Variants in LRRC4C observed in about 807,000 individuals in gnomAD.
LRRC4C encodes the protein leucine-rich repeat-containing protein 4C.
LRRC4C carries 5 observed loss-of-function variants against 33.6 expected under a neutral mutation model. The observed-to-expected ratio is 0.15, with a 90% confidence interval of 0.08 to 0.31. The LOEUF is 0.31. Ranked by LOEUF, LRRC4C falls within the 10% of genes least tolerant of loss-of-function variation. The pLI, the probability that LRRC4C is intolerant of heterozygous loss-of-function variation, is 1.00. For missense variants in LRRC4C, 560 were observed against 796.7 expected, an observed-to-expected ratio of 0.70 and a Z score of 3.58; for synonymous variants, 329 against 302.0, an observed-to-expected ratio of 1.09 and a Z score of -0.93.
chr11:40,975,679 A>G (rs1465691797), intron 1 of LRRC4C, among the ~76,000 whole-genome samples: 1 of 152,240 alleles, frequency 6.6e-6, no homozygotes, highest in Non-Finnish European at 1.5e-5. Flanking sequence ...AACTCATTTA[A>G]TCTTCACAGC....
intron 3 of LRRC4C, among the ~76,000 whole-genome samples, chr11:40,384,138 GT>G (rs1463102122): frequency 6.6e-6 from 1 of 151,610 alleles, no homozygotes; most frequent in Non-Finnish European, 1.5e-5. Flanking sequence ...TTTGTTGCAT[GT>G]TTTTTGGTGC....
intron 3 of LRRC4C, among the ~76,000 whole-genome samples, chr11:40,431,373 T>C (rs11035834): frequency 0.42 from 59,784 of 140,954 alleles, 12,655 homozygotes; most frequent in East Asian, 0.52. Flanking sequence ...CCAGCCTGAG[T>C]GACAGGGCGA....
intron 1 of LRRC4C, among the ~76,000 whole-genome samples, chr11:41,256,495 A>C (rs1400514010): frequency 6.6e-6 from 1 of 152,024 alleles, no homozygotes; most frequent in Non-Finnish European, 1.5e-5. Context: ...CCATCTGTGC[A>C]GTTGTACTGA....
At chr11:40,912,655 C>A (rs566756649) in intron 2 of LRRC4C, among the ~76,000 whole-genome samples, 3 of 152,178 alleles carry the variant, frequency 2.0e-5, no homozygotes, top group South Asian at 2.1e-4. Flanking sequence ...GCAAAATAAC[C>A]AGCTAACATC....
At chr11:41,202,131 C>T (rs114885644) in intron 1 of LRRC4C, among the ~76,000 whole-genome samples, 74 of 152,216 alleles carry the variant, frequency 4.9e-4, no homozygotes, top group African/African-American at 1.7e-3. Context: ...GGACAATGTC[C>T]AGTTCTTTAT....
intron 2 of LRRC4C, among the ~76,000 whole-genome samples, chr11:40,732,047 G>A (rs1272618957): frequency 5.9e-5 from 7 of 119,200 alleles, no homozygotes; most frequent in African/African-American, 2.3e-4. Flanking sequence ...GTAGTAATAT[G>A]CAAAAAAAAA....
chr11:41,361,897 G>GA (rs1426941230), intron 1 of LRRC4C, among the ~76,000 whole-genome samples: 3 of 151,938 alleles, frequency 2.0e-5, no homozygotes, highest in Admixed American at 6.6e-5. Context: ...ATTGTAATCT[G>GA]AAAAAAATCA....
chr11:40,114,992 T>G lies in LRRC4C; in HGVS notation c.1301A>C (p.Asn434Thr). ...ATTCAGGGTGGCTGAAGCAGTAGTA[T>G]TCCCAACGGAATTACTCACCATACA... The part of the protein sequence containing the change: ...YTCMVSNSVG[N>T]TTASATLNVT... The change falls in exon 7 of 7, where the codon AAT (asparagine) becomes ACT (threonine). Residue 434 changes from asparagine (N) to threonine (T), a missense_variant. This residue lies in a region of LRRC4C where 455 missense variants were observed against 643.8 expected (regional missense o/e 0.71). Transcript: ENST00000528697. 6.2e-7 allele frequency: 1 copy of G among 1,614,226 alleles called. No homozygotes were observed. Among genetic ancestry groups the G allele is most frequent in the Non-Finnish European group, 8.5e-7 (1 of 1,180,034 alleles).
chr11:40,873,260 G>A (rs77055953), intron 2 of LRRC4C, among the ~76,000 whole-genome samples: 1,691 of 152,186 alleles, frequency 0.011, 17 homozygotes, highest in Middle Eastern at 0.027. Context: ...CTAATAACAG[G>A]AATTAATGCA....
chr11:40,154,525 T>C (rs189681741), intron 5 of LRRC4C, among the ~76,000 whole-genome samples: 4 of 152,102 alleles, frequency 2.6e-5, no homozygotes, highest in Non-Finnish European at 4.4e-5. Context: ...AAAAAGCAAA[T>C]GAACACCAAA....
intron 2 of LRRC4C, among the ~76,000 whole-genome samples, chr11:40,770,380 T>G (rs1949697014): frequency 6.6e-6 from 1 of 152,114 alleles, no homozygotes; most frequent in African/African-American, 2.4e-5. Flanking sequence ...TATGATAGAA[T>G]CACCACCCAC....
intron 1 of LRRC4C, among the ~76,000 whole-genome samples, chr11:40,971,472 C>T (rs1258003343): frequency 1.3e-5 from 2 of 152,176 alleles, no homozygotes; most frequent in Admixed American, 1.3e-4. Flanking sequence ...GACTTGGGAG[C>T]CCCCATCTAG....
At chr11:41,232,438 A>C (rs1484855893) in intron 1 of LRRC4C, among the ~76,000 whole-genome samples, 1 of 152,088 alleles carries the variant, frequency 6.6e-6, no homozygotes, top group Non-Finnish European at 1.5e-5. Flanking sequence ...AAATGCCTTC[A>C]GGCATTATCA....
intron 1 of LRRC4C, among the ~76,000 whole-genome samples, chr11:41,094,074 AC>A (rs1456223781): frequency 6.6e-6 from 1 of 151,366 alleles, no homozygotes; most frequent in Non-Finnish European, 1.5e-5. Flanking sequence ...ACGAGATCAC[AC>A]CACTGCACTC....
At chr11:40,918,301 G>T (rs1460510483) in intron 2 of LRRC4C, among the ~76,000 whole-genome samples, 1 of 152,192 alleles carries the variant, frequency 6.6e-6, no homozygotes, top group East Asian at 1.9e-4. Context: ...GGATATGTGT[G>T]TGCATGTGTG....
chr11:40,757,137 T>G (rs1948993011), intron 2 of LRRC4C, among the ~76,000 whole-genome samples: 1 of 152,074 alleles, frequency 6.6e-6, no homozygotes, highest in Non-Finnish European at 1.5e-5. Flanking sequence ...GTTTGTCACT[T>G]ATTTATTCTA....
chr11:40,404,065 CAT>C (rs1223813103), intron 3 of LRRC4C, among the ~76,000 whole-genome samples: 1 of 152,148 alleles, frequency 6.6e-6, no homozygotes, highest in Non-Finnish European at 1.5e-5. Context: ...GTAAGCATGA[CAT>C]ACACAGAAAC....
intron 1 of LRRC4C, among the ~76,000 whole-genome samples, chr11:41,185,209 T>A (rs1188800362): frequency 6.6e-6 from 1 of 152,278 alleles, no homozygotes; most frequent in Admixed American, 6.5e-5. Context: ...GTAGGTAGTA[T>A]CAAAGATTAT....
At chr11:41,180,310 T>C (rs1945390202) in intron 1 of LRRC4C, among the ~76,000 whole-genome samples, 1 of 152,176 alleles carries the variant, frequency 6.6e-6, no homozygotes, top group Non-Finnish European at 1.5e-5. Flanking sequence ...GCCACCAGGT[T>C]ATTGTTTGCA....
Sources: allele counts gnomAD v4.1 joint callset (sites outside exome capture counted in the v4.1 genomes callset), GRCh38; gene constraint gnomAD v4.1.1; regional missense constraint gnomAD v4.1.1; transcripts MANE v1.5; gene names NCBI Gene and HGNC (gene_info 2026-07-23, HGNC 2026-07-21).